The following DPPA4 variants were observed in gnomAD, a reference collection of about 807,000 sequenced individuals.
The protein encoded by DPPA4 is developmental pluripotency-associated protein 4.
DPPA4 carries 22 observed loss-of-function variants against 33.7 expected under a neutral mutation model. The ratio of observed to expected loss-of-function variants is 0.65; its 90% confidence interval spans 0.47 to 0.93. The LOEUF is 0.93. Ranked by LOEUF, DPPA4 falls within the 40% of genes least tolerant of loss-of-function variation. DPPA4 has a pLI of 0.00. For synonymous variants in DPPA4, 156 were observed against 132.3 expected (o/e 1.18, Z -1.23); for missense variants, 340 against 358.6 (o/e 0.95, Z 0.42).
At chr3:109,331,653 A>G (rs1708082813) in intron 4 of DPPA4, 81 bp downstream of exon 4, 10 of 1,325,246 alleles carry the variant, frequency 7.5e-6, no homozygotes, top group Non-Finnish European at 1.1e-5. Flanking sequence ...AGGTGAGGCT[A>G]AGACAGTTCC....
In DPPA4 at chr3:109,334,140, T is replaced by A. The variant is rs376046799; in HGVS notation, c.55-147A>T. On this transcript the variant is annotated intron_variant, in intron 1 of 6. Transcript: ENST00000335658. ...GATTCTCCTCTGGGTATCATCTTAA[T>A]ACTCAGTTTCATTTACAAGACTGGG... is the stretch of plus-strand genomic sequence containing the variant. The A allele has an allele frequency of 4.5e-4, 369 of 827,542 alleles. 6 individuals are homozygous for A. The South Asian group carries it at 7.3e-3, about 16-fold the overall frequency. 51.3% of individuals were successfully genotyped at this position (827,542 alleles called of 1,614,324 possible). A position where few individuals can be genotyped will look rare whatever the true frequency, so the allele number is the denominator to read the frequency against.
At chr3:109,332,521 T>C (rs1708104956) in intron 2 of DPPA4, among the ~76,000 whole-genome samples, 1 of 152,180 alleles carries the variant, frequency 6.6e-6, no homozygotes, top group Non-Finnish European at 1.5e-5. Flanking sequence ...TGTGAGCTCC[T>C]TAATCCACAG....
chr3:109,333,660 G>A, intron 2 of DPPA4: 1 of 406,398 alleles, frequency 2.5e-6, no homozygotes, highest in Non-Finnish European at 4.3e-6. Flanking sequence ...CAAATATGCT[G>A]TGGAAGTCTG....
intron 5 of DPPA4, chr3:109,330,266 C>T (rs981404063): frequency 5.1e-6 from 2 of 389,004 alleles, no homozygotes; most frequent in Non-Finnish European, 9.4e-6. Flanking sequence ...CGCGCCACTG[C>T]ACTCTAGCCT....
chr3:109,329,124 C>A (rs779332015), intron 5 of DPPA4, 36 bp from the exon 6 acceptor site: 4 of 1,591,842 alleles, frequency 2.5e-6, no homozygotes, highest in Non-Finnish European at 3.4e-6. Context: ...GGTACCCGCA[C>A]ACCAGGATGA....
intron 6 of DPPA4, among the ~76,000 whole-genome samples, 188 bp from the exon 7 acceptor site, chr3:109,328,212 CCT>C (rs1407547226): frequency 1.3e-5 from 2 of 152,040 alleles, no homozygotes; most frequent in African/African-American, 4.8e-5. Context: ...TAATATATTC[CCT>C]GACTTGTGCC....
At chr3:109,332,683 T>C (rs1708108185) in intron 2 of DPPA4, among the ~76,000 whole-genome samples, 1 of 152,188 alleles carries the variant, frequency 6.6e-6, no homozygotes, top group African/African-American at 2.4e-5. Context: ...CCCTTAATTC[T>C]GCCAGCCCAC....
Position 109,326,786 on chromosome 3 carries a change from T to A in DPPA4, c.*1202A>T, listed in dbSNP as rs1044693609. Reference sequence around the variant, plus strand: ...TATGTGAATCATACCTAAGTAGTTTTAAAAACAAATGATCCAACCCATACC... The same window carrying A: ...TATGTGAATCATACCTAAGTAGTTTAAAAAACAAATGATCCAACCCATACC... On this transcript the variant is annotated 3_prime_UTR_variant, in exon 7 of 7. Transcript: ENST00000335658. 16 of 152,272 alleles carry A rather than the reference T, an allele frequency of 1.1e-4. No homozygotes were observed. The highest frequency in any genetic ancestry group is 3.9e-4 in the African/African-American group (16 of 41,552). 9.4% of individuals were successfully genotyped at this position (152,272 alleles called of 1,614,324 possible).
At chr3:109,336,041 T>C (rs1708188554) in intron 1 of DPPA4, among the ~76,000 whole-genome samples, 1 of 151,186 alleles carries the variant, frequency 6.6e-6, no homozygotes, top group Non-Finnish European at 1.5e-5. Flanking sequence ...CAATCCCAGC[T>C]AATCGAGAGG....
Position 109,327,867 on chromosome 3 carries a change from G to C in DPPA4, c.*121C>G. The C allele has an allele frequency of 1.4e-6, 1 of 728,832 alleles. No homozygotes were observed. The highest frequency in any genetic ancestry group is 2.4e-6 in the Non-Finnish European group (1 of 417,640). The allele number at this position is 728,832 out of a possible 1,614,324, so 45.1% of individuals were successfully genotyped here. A position where few individuals can be genotyped will look rare whatever the true frequency, so the allele number is the denominator to read the frequency against. ...TAGGCTAACATCTGCCACCCCACCA[G>C]TCTGCATGGCCCATAAACAGGTGCA... On this transcript the variant is annotated 3_prime_UTR_variant, in exon 7 of 7. Transcript: ENST00000335658.
intron 5 of DPPA4, chr3:109,330,209 G>A (rs1334192858): frequency 3.0e-6 from 1 of 337,766 alleles, no homozygotes; most frequent in African/African-American, 2.2e-5. Flanking sequence ...GGCTGAGGCA[G>A]GAGAATTGCT....
chr3:109,332,392 C>G (rs969532405), intron 2 of DPPA4, among the ~76,000 whole-genome samples: 2 of 152,082 alleles, frequency 1.3e-5, no homozygotes, highest in African/African-American at 4.8e-5. Flanking sequence ...TAAGCCACCG[C>G]GCCCAGCCTA....
At chr3:109,328,057 A>G in intron 6 of DPPA4, 33 bp from the exon 7 acceptor site, 1 of 1,357,848 alleles carries the variant, frequency 7.4e-7, no homozygotes, top group Non-Finnish European at 1.0e-6. Flanking sequence ...GTTTTTAAAA[A>G]GAATGAAGAA....
chr3:109,329,282 TC>T, intron 5 of DPPA4, 194 bp from the exon 6 acceptor site: 1 of 576,566 alleles, frequency 1.7e-6, no homozygotes, highest in South Asian at 2.2e-5. Flanking sequence ...ACGCTTGTAA[TC>T]CCAGCACTTT....
rs199804229 is a variant in DPPA4 at position 109,330,684 on chromosome 3, C to G, written c.519G>C (p.Val173=). 1.5e-4 allele frequency: 236 copies of G among 1,614,138 alleles called. No homozygotes were observed. The East Asian group carries it at 4.3e-3, about 30-fold the overall frequency. The part of the protein sequence containing the change: ...THPPEVALPP[V]GEPPALENST... ...AATTTTCCAGGGCAGGCGGCTCCCC[C>G]ACAGGAGGAAGAGCCACTTCAGGAG... is the stretch of plus-strand genomic sequence containing the variant. The change falls in exon 5 of 7, where the codon GTG becomes GTC. Residue 173 remains valine, a synonymous_variant. Coordinates refer to ENST00000335658, the MANE Select transcript of DPPA4 (RefSeq NM_018189.4).
intron 6 of DPPA4, 52 bp downstream of exon 6, chr3:109,328,838 A>G (rs1707990715): frequency 1.3e-6 from 2 of 1,522,662 alleles, no homozygotes; most frequent in Non-Finnish European, 9.0e-7. Flanking sequence ...ACTTTCTGCA[A>G]TTGAAAATCC....
intron 4 of DPPA4, 50 bp from the exon 5 acceptor site, chr3:109,330,862 AC>A (rs768771239): frequency 4.1e-5 from 58 of 1,399,036 alleles, no homozygotes; most frequent in Non-Finnish European, 4.8e-5. Context: ...TAAAATTCTA[AC>A]AAAAATGGCC....
chr3:109,328,494 C>T (rs1010022377), intron 6 of DPPA4, among the ~76,000 whole-genome samples: 2 of 152,274 alleles, frequency 1.3e-5, no homozygotes, highest in South Asian at 4.1e-4. Flanking sequence ...CTAGTCGATT[C>T]TTCCCTTAAC....
At chr3:109,334,667 A>T (rs905025750) in intron 1 of DPPA4, among the ~76,000 whole-genome samples, 1 of 152,190 alleles carries the variant, frequency 6.6e-6, no homozygotes, top group African/African-American at 2.4e-5. Flanking sequence ...TGACACTATG[A>T]AAAGTTTCAG....
Sources: gnomAD v4.1 joint callset for allele counts (sites outside exome capture counted in the v4.1 genomes callset) on GRCh38, gnomAD v4.1.1 for gene constraint, MANE v1.5 for transcripts, NCBI Gene and HGNC (gene_info 2026-07-23, HGNC 2026-07-21) for gene names.